Variants in RAPGEF2 observed in about 807,000 individuals in gnomAD.
RAPGEF2 encodes PDZ domain containing guanine nucleotide exchange factor (GEF) 1.
Under a neutral mutation model 186.7 loss-of-function variants are expected in RAPGEF2, and 54 were observed. The observed-to-expected ratio is 0.29, with a 90% CI of 0.23 to 0.36. RAPGEF2 has a LOEUF of 0.36. Among genes scored for constraint, RAPGEF2 ranks in the 10% least tolerant of loss-of-function variants. The probability of loss-of-function intolerance (pLI) is 1.00; values close to 1 mark genes in which losing one functional copy is unlikely to be tolerated. For missense variants in RAPGEF2, 1,532 were observed against 2,045.0 expected, an observed-to-expected ratio of 0.75 and a Z score of 4.84; for synonymous variants, 712 against 705.9, an observed-to-expected ratio of 1.01 and a Z score of -0.14.
chr4:159,165,525 CATT>C (rs989009438), intron 1 of RAPGEF2, among the ~76,000 whole-genome samples: 2 of 152,142 alleles, frequency 1.3e-5, no homozygotes. Flanking sequence ...GTCAGGTTAT[CATT>C]AGTGAATAAT....
intron 1 of RAPGEF2, among the ~76,000 whole-genome samples, chr4:159,136,537 A>G (rs1192998271): frequency 6.6e-6 from 1 of 152,200 alleles, no homozygotes; most frequent in Non-Finnish European, 1.5e-5. Context: ...TTCACTGGGT[A>G]GGGATTTCAG....
At chr4:159,185,117 A>G (rs1747425309) in intron 1 of RAPGEF2, among the ~76,000 whole-genome samples, 1 of 152,208 alleles carries the variant, frequency 6.6e-6, no homozygotes, top group Non-Finnish European at 1.5e-5. Context: ...ATGCAAGTCA[A>G]TACTATTACA....
chr4:159,247,489 A>G (rs1230347990), intron 7 of RAPGEF2, among the ~76,000 whole-genome samples: 1 of 152,176 alleles, frequency 6.6e-6, no homozygotes, highest in African/African-American at 2.4e-5. Context: ...TTTGAAAGCC[A>G]TGTTGAAAGT....
chr4:159,126,928 C>CT (rs1740379313), intron 1 of RAPGEF2, among the ~76,000 whole-genome samples: 1 of 152,234 alleles, frequency 6.6e-6, no homozygotes, highest in Non-Finnish European at 1.5e-5. Context: ...TAATCTCACA[C>CT]TATCTTCTGG....
chr4:159,323,330 TA>T (rs1765488608), intron 10 of RAPGEF2, 128 bp from the exon 11 acceptor site: 1 of 677,860 alleles, frequency 1.5e-6, no homozygotes, highest in Non-Finnish European at 2.3e-6. Flanking sequence ...TGTTAAACAG[TA>T]AACTTGAGTT....
intron 7 of RAPGEF2, among the ~76,000 whole-genome samples, chr4:159,299,514 T>G (rs2111019022): frequency 6.6e-6 from 1 of 151,904 alleles, no homozygotes; most frequent in African/African-American, 2.4e-5. Flanking sequence ...GGGGATCTGG[T>G]ACCACAGATG....
chr4:159,147,999 T>C (rs1743125772), intron 1 of RAPGEF2, among the ~76,000 whole-genome samples: 1 of 152,252 alleles, frequency 6.6e-6, no homozygotes, highest in Admixed American at 6.5e-5. Context: ...CTAAAATTTC[T>C]TATTTTGTCC....
chr4:159,275,532 A>G (rs1314436213), intron 7 of RAPGEF2, among the ~76,000 whole-genome samples: 1 of 152,212 alleles, frequency 6.6e-6, no homozygotes, highest in Non-Finnish European at 1.5e-5. Flanking sequence ...ATGTGTAAAT[A>G]TAATTAATCC....
intron 1 of RAPGEF2, among the ~76,000 whole-genome samples, chr4:159,180,046 A>G (rs901441540): frequency 1.3e-5 from 2 of 152,188 alleles, no homozygotes; most frequent in African/African-American, 2.4e-5. Flanking sequence ...AAGGTAGAAA[A>G]AATTGATAGG....
At chr4:159,228,737 A>G (rs1752303280) in intron 4 of RAPGEF2, among the ~76,000 whole-genome samples, 1 of 152,198 alleles carries the variant, frequency 6.6e-6, no homozygotes, top group African/African-American at 2.4e-5. Context: ...TGTAAATTAT[A>G]TATGTACTTG....
intron 4 of RAPGEF2, 100 bp downstream of exon 4, chr4:159,210,683 C>G (rs879340965): frequency 8.2e-5 from 71 of 870,810 alleles, no homozygotes; most frequent in Middle Eastern, 6.4e-4. Context: ...TTCTCTTCTG[C>G]TGATACAAAG....
At chr4:159,158,990 G>A (rs1051134572) in intron 1 of RAPGEF2, among the ~76,000 whole-genome samples, 3 of 152,230 alleles carry the variant, frequency 2.0e-5, no homozygotes, top group South Asian at 2.1e-4. Context: ...TGGTCTTAAC[G>A]GCAACACTAT....
At chr4:159,195,967 T>A (rs1748616962) in intron 3 of RAPGEF2, among the ~76,000 whole-genome samples, 1 of 148,190 alleles carries the variant, frequency 6.7e-6, no homozygotes, top group Non-Finnish European at 1.5e-5. Context: ...CCAAGCCATA[T>A]TTTAGGTAAT....
At chr4:159,224,866 T>G (rs1355211731) in intron 4 of RAPGEF2, among the ~76,000 whole-genome samples, 1 of 152,156 alleles carries the variant, frequency 6.6e-6, no homozygotes, top group Admixed American at 6.5e-5. Context: ...TTAAAAGGGC[T>G]AATTGGTGGA....
rs571098744 is a variant in RAPGEF2, at chr4:159,132,566, G to A, written c.69+28335G>A. 9.2e-5 allele frequency among the ~76,000 whole-genome samples: 14 copies of A among 152,270 alleles called. No homozygotes were observed. The South Asian group carries it at 1.7e-3, about 18-fold the overall frequency. On this transcript the variant is annotated intron_variant, in intron 1 of 29. Coordinates refer to ENST00000691494, the MANE Select transcript of RAPGEF2 (RefSeq NM_001394067.2). Reference sequence around the variant, plus strand: ...AAAGAGGTAGATGGTTTTTAAAGGCGTGGCAAGTTGTTGGCTTTTTAAAAT... The same window carrying A: ...AAAGAGGTAGATGGTTTTTAAAGGCATGGCAAGTTGTTGGCTTTTTAAAAT...
At chr4:159,135,863 T>C (rs1741663617) in intron 1 of RAPGEF2, among the ~76,000 whole-genome samples, 1 of 152,186 alleles carries the variant, frequency 6.6e-6, no homozygotes, top group Non-Finnish European at 1.5e-5. Context: ...CCTCCCAAAG[T>C]GCTGGGATTA....
chr4:159,250,550 A>G (rs940657860), intron 7 of RAPGEF2, among the ~76,000 whole-genome samples: 17 of 152,202 alleles, frequency 1.1e-4, no homozygotes, highest in Admixed American at 6.5e-5. Context: ...GAGAATAGCA[A>G]TGGTAATCTG....
chr4:159,293,527 GA>G (rs1424427501), intron 7 of RAPGEF2, among the ~76,000 whole-genome samples: 2 of 152,218 alleles, frequency 1.3e-5, no homozygotes, highest in African/African-American at 4.8e-5. Context: ...ACAGTCCCAT[GA>G]AATAGGATGT....
chr4:159,260,479 C>T (rs972984349), intron 7 of RAPGEF2, among the ~76,000 whole-genome samples: 1 of 152,054 alleles, frequency 6.6e-6, no homozygotes, highest in African/African-American at 2.4e-5. Context: ...TTCCCGCCAG[C>T]TGATGTTTGG....
Sources: allele counts gnomAD v4.1 joint callset (sites outside exome capture counted in the v4.1 genomes callset), GRCh38; gene constraint gnomAD v4.1.1; transcripts MANE v1.5; gene names NCBI Gene and HGNC (gene_info 2026-07-23, HGNC 2026-07-21).